CCDC60: variants seen among roughly 807,000 people sequenced by gnomAD.
CCDC60 encodes the protein coiled-coil domain-containing protein 60.
Under a neutral mutation model 63.5 loss-of-function variants are expected in CCDC60, and 54 were observed. The observed-to-expected ratio is 0.85, with a 90% confidence interval of 0.68 to 1.07. The LOEUF (loss-of-function observed/expected upper bound fraction) is 1.07. Among genes scored for constraint, CCDC60 ranks in the 50% least tolerant of loss-of-function variants. CCDC60 has a pLI of 0.00. For synonymous variants in CCDC60, 206 were observed against 238.8 expected, an observed-to-expected ratio of 0.86 and a Z score of 1.27; for missense variants, 651 against 684.3, an observed-to-expected ratio of 0.95 and a Z score of 0.54.
At chr12:119,361,256 C>A (rs145964557) in intron 1 of CCDC60, among the ~76,000 whole-genome samples, 120 of 151,648 alleles carry the variant, frequency 7.9e-4, no homozygotes, top group South Asian at 4.0e-3. Flanking sequence ...TATCAAAAAT[C>A]TTTTAGTTGC....
At chr12:119,459,979 G>A (rs937000535) in intron 2 of CCDC60, among the ~76,000 whole-genome samples, 2 of 152,290 alleles carry the variant, frequency 1.3e-5, no homozygotes, top group South Asian at 2.1e-4. Context: ...CTTTATCTGT[G>A]CAGTGGGTAA....
chr12:119,468,312 A>AAC (rs1211562746), intron 2 of CCDC60, among the ~76,000 whole-genome samples: 338 of 152,270 alleles, frequency 2.2e-3, no homozygotes, highest in African/African-American at 7.7e-3. Flanking sequence ...AATTTTTTAA[A>AAC]AAAAAGCCAG....
chr12:119,502,322 G>A (rs1339330823), intron 6 of CCDC60, among the ~76,000 whole-genome samples: 4 of 152,128 alleles, frequency 2.6e-5, no homozygotes, highest in Admixed American at 2.0e-4. Context: ...GTCTCCCCAT[G>A]GGCCACCAGT....
At chr12:119,458,862 T>C (rs1457662966) in intron 2 of CCDC60, among the ~76,000 whole-genome samples, 1 of 152,124 alleles carries the variant, frequency 6.6e-6, no homozygotes, top group Non-Finnish European at 1.5e-5. Context: ...TTCTCTTGCC[T>C]CAGCCCCCCG....
At chr12:119,385,784 C>T (rs1166203666) in intron 1 of CCDC60, among the ~76,000 whole-genome samples, 1 of 152,206 alleles carries the variant, frequency 6.6e-6, no homozygotes, top group African/African-American at 2.4e-5. Flanking sequence ...CTCTCCCTAC[C>T]ACTAACCTCT....
rs1273702683 is a variant in CCDC60 at position 119,456,557 on chromosome 12, T to C, written c.171-15437T>C. ...ACCCCAAGAGAAGGTTCTTGGATCT[T>C]GCACAAGAAAGAATTCAGGGCAAGT... On this transcript the variant is annotated intron_variant, in intron 2 of 13. Coordinates refer to ENST00000327554, the MANE Select transcript of CCDC60 (RefSeq NM_178499.5). This position sits in a 1 kb window ranked among gnomAD's most constrained non-coding sequence, Gnocchi z 4.6. Among the ~76,000 whole-genome samples, 1 of 152,218 alleles carries C rather than the reference T, an allele frequency of 6.6e-6. No homozygotes were observed. The highest frequency in any genetic ancestry group is 1.9e-4 in the East Asian group (1 of 5,204).
intron 7 of CCDC60, among the ~76,000 whole-genome samples, chr12:119,506,872 G>C (rs1952021473): frequency 6.6e-6 from 1 of 152,154 alleles, no homozygotes; most frequent in South Asian, 2.1e-4. Context: ...GGAAAAGCAA[G>C]AGAAGGATCC....
intron 2 of CCDC60, among the ~76,000 whole-genome samples, chr12:119,464,361 T>C (rs12298424): frequency 0.086 from 12,081 of 140,156 alleles, 498 homozygotes; most frequent in East Asian, 0.12. Context: ...CTTCCCTCCC[T>C]CCCATTTTCC....
chr12:119,496,112 C>T (rs192091500), intron 5 of CCDC60, among the ~76,000 whole-genome samples: 4 of 152,192 alleles, frequency 2.6e-5, no homozygotes, highest in Admixed American at 6.5e-5. Context: ...TAGGATGGAA[C>T]CACCTGGTCC....
At chr12:119,475,497 T>C (rs1055847419) in intron 3 of CCDC60, among the ~76,000 whole-genome samples, 2 of 152,226 alleles carry the variant, frequency 1.3e-5, no homozygotes, top group African/African-American at 2.4e-5. Flanking sequence ...TCTTATCTGG[T>C]AGGTTCTATG....
chr12:119,507,474 A>G (rs1162724524), intron 7 of CCDC60, among the ~76,000 whole-genome samples: 1 of 146,198 alleles, frequency 6.8e-6, no homozygotes, highest in Non-Finnish European at 1.5e-5. Context: ...ATACATATAT[A>G]TACATATATA....
In CCDC60 at chr12:119,374,572, G is replaced by A. The variant is rs892212904; in HGVS notation, c.90+39306G>A. On this transcript the variant is annotated intron_variant, in intron 1 of 13. Transcript: ENST00000327554. ...GGTCTTGATCGAGACCCCAAGAGAG[G>A]ATTCTTGGACCGCACATAAGAAAGA... Among the ~76,000 whole-genome samples the A allele has an allele frequency of 8.5e-5, 13 of 152,300 alleles. No individual in the cohort carries two copies. In the East Asian group the frequency reaches 2.5e-3, roughly 29 times the overall value.
intron 13 of CCDC60, among the ~76,000 whole-genome samples, chr12:119,535,905 G>C (rs1195569596): frequency 6.6e-6 from 1 of 152,176 alleles, no homozygotes; most frequent in Non-Finnish European, 1.5e-5. Context: ...ATTTGGGGTG[G>C]AGAGTTCTGT....
chr12:119,466,198 C>T (rs1179632694), intron 2 of CCDC60, among the ~76,000 whole-genome samples: 1 of 152,156 alleles, frequency 6.6e-6, no homozygotes, highest in Admixed American at 6.5e-5. Flanking sequence ...CACCCCTCAT[C>T]CCTGGCATCT....
intron 1 of CCDC60, among the ~76,000 whole-genome samples, chr12:119,416,826 TAAAG>T (rs1956707961): frequency 6.6e-6 from 1 of 152,134 alleles, no homozygotes; most frequent in Non-Finnish European, 1.5e-5. Context: ...GGAGTCTTTA[TAAAG>T]AGATTCCCGG....
chr12:119,448,985 C>T (rs536165898), intron 2 of CCDC60, among the ~76,000 whole-genome samples: 8 of 152,264 alleles, frequency 5.3e-5, no homozygotes, highest in South Asian at 2.1e-4. Flanking sequence ...AGAAGTCAGG[C>T]GGTGGGGATT....
intron 1 of CCDC60, among the ~76,000 whole-genome samples, chr12:119,355,076 T>A (rs1476672346): frequency 6.6e-6 from 1 of 152,136 alleles, no homozygotes; most frequent in African/African-American, 2.4e-5. Context: ...ACAAATCACC[T>A]CTCATGCCAA....
At chr12:119,430,221 T>C (rs1459267605) in intron 2 of CCDC60, among the ~76,000 whole-genome samples, 2 of 151,394 alleles carry the variant, frequency 1.3e-5, no homozygotes, top group African/African-American at 2.4e-5. Flanking sequence ...CACACACATA[T>C]TAATATGTTG....
chr12:119,500,047 C>T (rs149890067), intron 5 of CCDC60, 31 bp from the exon 6 acceptor site: 271 of 1,448,354 alleles, frequency 1.9e-4, no homozygotes, highest in Middle Eastern at 5.2e-4. Flanking sequence ...ACTCTGGAAA[C>T]GGAAAACTCA....
Sources: allele counts gnomAD v4.1 joint callset (sites outside exome capture counted in the v4.1 genomes callset), GRCh38; gene constraint gnomAD v4.1.1; non-coding constraint Gnocchi (gnomAD v3.1); transcripts MANE v1.5; gene names NCBI Gene and HGNC (gene_info 2026-07-23, HGNC 2026-07-21).